The following COL22A1 variants were observed in gnomAD, a reference collection of about 807,000 sequenced individuals.
The protein encoded by COL22A1 is collagen alpha-1(XXII) chain.
In COL22A1, 221 loss-of-function variants were observed where a neutral mutation model predicts 248.9. The ratio of observed to expected loss-of-function variants is 0.89; its 90% confidence interval spans 0.80 to 0.99. The LOEUF (loss-of-function observed/expected upper bound fraction) is 0.99, where lower values mean the gene tolerates loss of function less well. COL22A1 is among the 50% of genes least tolerant of loss of function. The probability of loss-of-function intolerance (pLI) is 0.00; values close to 1 mark genes in which losing one functional copy is unlikely to be tolerated. For synonymous variants in COL22A1, 891 were observed against 793.4 expected (o/e 1.12, Z -2.07); for missense variants, 2,240 against 2,179.0 (o/e 1.03, Z -0.56).
At chr8:138,648,243 C>T (rs375866047) in intron 46 of COL22A1, among the ~76,000 whole-genome samples, 31 of 152,206 alleles carry the variant, frequency 2.0e-4, no homozygotes, top group African/African-American at 6.3e-4. Context: ...GACTGTGGCA[C>T]GCCCACGAGT....
intron 12 of COL22A1, among the ~76,000 whole-genome samples, chr8:138,787,375 T>C (rs1815626677): frequency 6.6e-6 from 1 of 152,148 alleles, no homozygotes; most frequent in Non-Finnish European, 1.5e-5. Context: ...ATGCAGCCTC[T>C]GTCTCATGTT....
chr8:138,843,728 C>T (rs754615725), intron 4 of COL22A1, among the ~76,000 whole-genome samples: 51 of 152,222 alleles, frequency 3.4e-4, no homozygotes, highest in South Asian at 2.1e-4. Flanking sequence ...GATTCACTCT[C>T]GCTTTCACTC....
intron 4 of COL22A1, among the ~76,000 whole-genome samples, chr8:138,836,182 A>T (rs1456693737): frequency 6.6e-6 from 1 of 152,144 alleles, no homozygotes; most frequent in Non-Finnish European, 1.5e-5. Flanking sequence ...GAGGCAGGAG[A>T]ATTGCTTGGA....
intron 43 of COL22A1, among the ~76,000 whole-genome samples, chr8:138,660,698 G>A (rs1823746411): frequency 6.6e-6 from 1 of 152,004 alleles, no homozygotes; most frequent in African/African-American, 2.4e-5. Context: ...GACAACCAAT[G>A]TTTAGAACTA....
At chr8:138,717,124 T>G (rs1829500410) in intron 27 of COL22A1, among the ~76,000 whole-genome samples, 1 of 152,108 alleles carries the variant, frequency 6.6e-6, no homozygotes, top group Non-Finnish European at 1.5e-5. Flanking sequence ...ACTGTCCCAT[T>G]AGAATTTATT....
chr8:138,863,859 G>A (rs950842592), intron 3 of COL22A1, among the ~76,000 whole-genome samples: 11 of 151,864 alleles, frequency 7.2e-5, no homozygotes, highest in Admixed American at 7.2e-4. Flanking sequence ...ATTTTTGCTT[G>A]CTGTTTTCCA....
At chr8:138,623,056 A>G (rs1819934981) in intron 52 of COL22A1, among the ~76,000 whole-genome samples, 2 of 151,974 alleles carry the variant, frequency 1.3e-5, no homozygotes, top group South Asian at 4.2e-4. Flanking sequence ...TTGAAGTCAC[A>G]GATACGGGTC....
At chr8:138,646,520 T>G in intron 47 of COL22A1, 109 bp downstream of exon 47, 1 of 818,218 alleles carries the variant, frequency 1.2e-6, no homozygotes, top group Non-Finnish European at 1.8e-6. Flanking sequence ...AGGGGTTTTC[T>G]GATTTTAAAA....
At chr8:138,692,304 GTGTA>G (rs1465182089) in intron 35 of COL22A1, among the ~76,000 whole-genome samples, 36 of 6,622 alleles carry the variant, frequency 5.4e-3, no homozygotes, top group South Asian at 9.1e-3. Context: ...GTTTGCGGAG[GTGTA>G]TGTGTGTGCA....
chr8:138,602,280 C>A, intron 59 of COL22A1, 121 bp from the exon 60 acceptor site: 1 of 1,090,140 alleles, frequency 9.2e-7, no homozygotes, highest in Non-Finnish European at 1.4e-6. Flanking sequence ...AGATAAGGTC[C>A]CCCGAGGGCT....
intron 1 of COL22A1, among the ~76,000 whole-genome samples, chr8:138,910,985 C>A (rs776709215): frequency 5.9e-5 from 9 of 152,164 alleles, no homozygotes; most frequent in Non-Finnish European, 1.2e-4. Context: ...AGGAGGGGAC[C>A]AGCAGACTAT....
At chr8:138,893,885 A>G (rs1006842572) in intron 1 of COL22A1, among the ~76,000 whole-genome samples, 2 of 152,230 alleles carry the variant, frequency 1.3e-5, no homozygotes, top group African/African-American at 2.4e-5. Flanking sequence ...TGAGTGGACA[A>G]GCACCTAACC....
Position 138,833,128 on chromosome 8 carries a change from G to A in COL22A1, c.756C>T (p.Phe252=). The part of the protein sequence containing the change: ...EITGFDLMDL[F]SVKEILGKRE... Reference sequence around the variant, plus strand: ...TCTTCCCCAAGATTTCCTTCACACTGAACAAATCCATCAGGTCAAAACCTG... The same window carrying A: ...TCTTCCCCAAGATTTCCTTCACACTAAACAAATCCATCAGGTCAAAACCTG... The change falls in exon 5 of 65, where the codon TTC becomes TTT. Residue 252 remains phenylalanine (F), a synonymous_variant. Transcript: ENST00000303045. The A allele has an allele frequency of 6.2e-7, 1 of 1,613,058 alleles. No homozygotes were observed. The highest frequency in any genetic ancestry group is 8.5e-7 in the Non-Finnish European group (1 of 1,179,046).
intron 22 of COL22A1, among the ~76,000 whole-genome samples, chr8:138,744,783 C>A (rs1831973286): frequency 6.6e-6 from 1 of 152,012 alleles, no homozygotes; most frequent in African/African-American, 2.4e-5. Context: ...TCCTTTCTCC[C>A]TTCTCTTAGC....
intron 56 of COL22A1, among the ~76,000 whole-genome samples, chr8:138,611,580 A>G (rs1324646476): frequency 6.6e-6 from 1 of 152,214 alleles, no homozygotes; most frequent in Non-Finnish European, 1.5e-5. Flanking sequence ...TGAAGTTTTA[A>G]TATCACAGCT....
intron 23 of COL22A1, among the ~76,000 whole-genome samples, chr8:138,732,727 A>G (rs546242847): frequency 1.3e-5 from 2 of 152,374 alleles, no homozygotes; most frequent in Admixed American, 6.5e-5. Context: ...TTAACCACTT[A>G]TTAATTAACC....
intron 16 of COL22A1, among the ~76,000 whole-genome samples, chr8:138,768,703 C>T (rs1461261523): frequency 2.6e-5 from 4 of 151,970 alleles, no homozygotes; most frequent in African/African-American, 7.3e-5. Context: ...TTTGGGAGGT[C>T]GAGGCAGGCA....
intron 59 of COL22A1, among the ~76,000 whole-genome samples, chr8:138,602,674 A>G (rs1399231091): frequency 6.6e-6 from 1 of 152,164 alleles, no homozygotes; most frequent in Non-Finnish European, 1.5e-5. Context: ...ACATTTAGAG[A>G]AGTGGCCCTC....
chr8:138,888,916 C>A (rs1030268550), intron 1 of COL22A1, among the ~76,000 whole-genome samples: 1 of 152,164 alleles, frequency 6.6e-6, no homozygotes, highest in Admixed American at 6.5e-5. Flanking sequence ...GAATGATGAA[C>A]GGCCAGCATC....
Sources: allele counts gnomAD v4.1 joint callset (sites outside exome capture counted in the v4.1 genomes callset), GRCh38; gene constraint gnomAD v4.1.1; transcripts MANE v1.5; gene names NCBI Gene and HGNC (gene_info 2026-07-23, HGNC 2026-07-21).